Variants in WDR88 observed in about 807,000 individuals in gnomAD.
WDR88 encodes WD repeat domain 88.
Under a neutral mutation model 46.8 loss-of-function variants are expected in WDR88, and 40 were observed. The observed-to-expected ratio is 0.86, with a 90% CI of 0.66 to 1.11. WDR88 has a LOEUF of 1.11. Ranked by LOEUF, WDR88 falls within the 50% of genes most tolerant of loss-of-function variation. The pLI is 0.00. For missense variants in WDR88, 562 were observed against 602.4 expected (o/e 0.93, Z 0.70); for synonymous variants, 235 against 240.7 (o/e 0.98, Z 0.22).
chr19:33,134,642 T>TGGGG (rs1973213398), intron 1 of WDR88, among the ~76,000 whole-genome samples: 2 of 151,980 alleles, frequency 1.3e-5, no homozygotes, highest in Admixed American at 6.6e-5. Context: ...GGGCCGCTCC[T>TGGGG]GGGGTAGGGA....
chr19:33,149,081 C>T (rs1973578867), intron 5 of WDR88, among the ~76,000 whole-genome samples, 171 bp downstream of exon 5: 1 of 152,072 alleles, frequency 6.6e-6, no homozygotes, highest in Admixed American at 6.6e-5. Context: ...CATCTGTAAT[C>T]CCAGCACTTT....
At position 33,143,952 on chromosome 19, in the gene WDR88, A is replaced by G. The variant is rs75712941; in HGVS notation, c.388-892A>G. Among the ~76,000 whole-genome samples the G allele has an allele frequency of 8.5e-5, 13 of 152,240 alleles. No homozygotes were observed. In the East Asian group the frequency reaches 2.5e-3, roughly 29 times the overall value. ...GACCCCCTTTCCCTCGTTCATTTGA[A>G]GTCTAACCAGTATTTCCCCTTTAAA... is the stretch of plus-strand genomic sequence containing the variant. On this transcript the variant is annotated intron_variant, in intron 2 of 10. Transcript: ENST00000355868.
rs1298478368 is a variant in WDR88, at chr19:33,156,551, T to C, written c.997+9T>C. ...TCACTTTGCCAGAGACAGTGAGTAATTAACATGCAGAAGGCCTCCATTCCT... is the reference window on the plus strand; with the variant it reads ...TCACTTTGCCAGAGACAGTGAGTAACTAACATGCAGAAGGCCTCCATTCCT... On this transcript the variant is annotated intron_variant, in intron 7 of 10. Transcript: ENST00000355868. The C allele has an allele frequency of 1.9e-6, 3 of 1,609,346 alleles. No homozygotes were observed. Among genetic ancestry groups the C allele is most frequent in the African/African-American group, 1.3e-5 (1 of 74,706 alleles).
intron 1 of WDR88, among the ~76,000 whole-genome samples, chr19:33,136,384 T>A (rs1447668781): frequency 1.3e-5 from 2 of 150,436 alleles, no homozygotes; most frequent in Non-Finnish European, 2.9e-5. Context: ...AGAGATGGGG[T>A]TTTGCCATGT....
rs745987290 is a variant in WDR88 at position 33,141,227 on chromosome 19, G to GTTTTTTTTTTTTTTT, written c.387+3453_387+3454insTTTTTTTTTTTTTTT. ...GCTGGGATTACAGGTGTGGGAGCATGTTTTTTTTTTTTTCTTTTTTGACAC... is the reference window on the plus strand; with the variant it reads ...GCTGGGATTACAGGTGTGGGAGCATGTTTTTTTTTTTTTTTTTTTTTTTTTTTTCTTTTTTGACAC... On this transcript the variant is annotated intron_variant, in intron 2 of 10. Transcript: ENST00000355868. 2.6e-4 allele frequency among the ~76,000 whole-genome samples: 29 copies of GTTTTTTTTTTTTTTT among 113,394 alleles called. 8 individuals carry two copies. The highest frequency in any genetic ancestry group is 8.6e-4 in the African/African-American group (21 of 24,460). The allele number at this position is 113,394 out of a possible 152,430, so 74.4% of individuals were successfully genotyped here.
In WDR88 at chr19:33,142,878, A is replaced by AAAAAAG. The variant is rs1289318961; in HGVS notation, c.388-1964_388-1963insAAAGAA. 1.5e-3 allele frequency: 215 copies of AAAAAAG among 142,946 alleles called. 10 individuals carry two copies. The highest frequency in any genetic ancestry group is 5.5e-3 in the African/African-American group (203 of 36,856). 8.9% of individuals were successfully genotyped at this position (142,946 alleles called of 1,614,324 possible). A position where few individuals can be genotyped will look rare whatever the true frequency, so the allele number is the denominator to read the frequency against. On this transcript the variant is annotated intron_variant, in intron 2 of 10. Transcript: ENST00000355868. ...AAAAAAAAAAAAAAAAAAAAAAAAA[A>AAAAAAG]AAGGCCGGGGGGCGGGAATAACGTG...
chr19:33,132,203 C>T lies in WDR88; in HGVS notation c.34C>T (p.His12Tyr). 2.5e-6 allele frequency: 4 copies of T among 1,607,466 alleles called. No homozygotes were observed. The highest frequency in any genetic ancestry group is 3.4e-6 in the Non-Finnish European group (4 of 1,179,470). The change falls in exon 1 of 11, where the codon CAT becomes TAT. Residue 12 changes from histidine to tyrosine, a missense_variant. Physicochemically the swap from His to Tyr is moderately conservative, Grantham distance 83. Coordinates refer to ENST00000355868, the MANE Select transcript of WDR88 (RefSeq NM_173479.4). ...ASPPRCSPTA[H>Y]DRECKLPPPS... The stretch of plus-strand genomic sequence containing the variant: ...CCCGCCGCGGTGCTCCCCGACAGCC[C>T]ATGACAGGGAATGCAAGTTGCCGCC...
intron 6 of WDR88, among the ~76,000 whole-genome samples, chr19:33,155,285 C>G (rs748703379): frequency 1.1e-4 from 16 of 152,050 alleles, no homozygotes; most frequent in Non-Finnish European, 1.8e-4. Context: ...GGACTACAGG[C>G]ATGTGCCACC....
intron 9 of WDR88, among the ~76,000 whole-genome samples, chr19:33,166,282 C>CAAA (rs34053341): frequency 0.047 from 2,589 of 55,480 alleles, 71 homozygotes; most frequent in Admixed American, 0.13. Flanking sequence ...GTTGTGGTCT[C>CAAA]AAAAAAAAAA....
intron 9 of WDR88, 116 bp downstream of exon 9, chr19:33,164,381 C>T: frequency 2.2e-6 from 2 of 905,362 alleles, no homozygotes; most frequent in Admixed American, 1.9e-5. Context: ...CCTGACCGGG[C>T]CATCGTGTTC....
intron 7 of WDR88, among the ~76,000 whole-genome samples, chr19:33,157,626 T>G (rs1322232216): frequency 6.9e-6 from 1 of 144,098 alleles, no homozygotes; most frequent in African/African-American, 2.5e-5. Context: ...TATATATATA[T>G]GTATGTGTAT....
rs1173043284 is a variant in WDR88 at position 33,164,316 on chromosome 19, T to C, written c.1149+51T>C. The C allele has an allele frequency of 1.9e-6, 3 of 1,543,448 alleles. No individual in the cohort carries two copies. The African/African-American group carries it at 4.1e-5, about 21-fold the overall frequency. Reference sequence around the variant, plus strand: ...CGATCACGTTCGCCAGGATTGGTGATAGTGGAAGAGTTATTGCCAAGTATA... The same window carrying C: ...CGATCACGTTCGCCAGGATTGGTGACAGTGGAAGAGTTATTGCCAAGTATA... On this transcript the variant is annotated intron_variant, in intron 9 of 10. Coordinates refer to ENST00000355868, the MANE Select transcript of WDR88 (RefSeq NM_173479.4).
At chr19:33,159,382 A>ATAAATAAC (rs1555726419) in intron 7 of WDR88, among the ~76,000 whole-genome samples, 245 of 144,144 alleles carry the variant, frequency 1.7e-3, no homozygotes, top group African/African-American at 4.1e-3. Flanking sequence ...AAATAAATAA[A>ATAAATAAC]TAACAAATAA....
intron 6 of WDR88, among the ~76,000 whole-genome samples, chr19:33,155,837 G>C (rs1051016618): frequency 6.6e-6 from 1 of 152,186 alleles, no homozygotes; most frequent in Non-Finnish European, 1.5e-5. Flanking sequence ...GGGGGTTCCT[G>C]GCATCTAGCC....
rs570910159 is a variant in WDR88, at chr19:33,144,741, T to A, written c.388-103T>A. The A allele has an allele frequency of 1.2e-5, 13 of 1,057,484 alleles. No homozygotes were observed. In the African/African-American group the frequency reaches 1.6e-4, roughly 13 times the overall value. The allele number at this position is 1,057,484 out of a possible 1,614,324, so 65.5% of individuals were successfully genotyped here. On this transcript the variant is annotated intron_variant, in intron 2 of 10. Coordinates refer to ENST00000355868, the MANE Select transcript of WDR88 (RefSeq NM_173479.4). The stretch of plus-strand genomic sequence containing the variant: ...CCCAGGACCTTGGAGTTCTCAGATT[T>A]TGCTACCAGAGATAAGCTAAGGGCT...
At position 33,157,712 on chromosome 19, in the gene WDR88, T is replaced by A. The variant is rs1568367750; in HGVS notation, c.997+1170T>A. On this transcript the variant is annotated intron_variant, in intron 7 of 10. Transcript: ENST00000355868. ...GTATATATATATATATATATATATA[T>A]ATATATATATATATATATATATATA... 8.5e-5 allele frequency among the ~76,000 whole-genome samples: 7 copies of A among 81,972 alleles called. No individual in the cohort carries two copies. The East Asian group carries it at 3.3e-3, about 38-fold the overall frequency. The allele number at this position is 81,972 out of a possible 152,430, so 53.8% of individuals were successfully genotyped here.
chr19:33,157,718 T>C (rs1973786105), intron 7 of WDR88, among the ~76,000 whole-genome samples: 1 of 46,566 alleles, frequency 2.1e-5, no homozygotes, highest in Non-Finnish European at 3.8e-5. Context: ...TATATATATA[T>C]ATATATATAT....
rs565898958 is a variant in WDR88 at position 33,145,110 on chromosome 19, A to G, written c.476+178A>G. 5.9e-5 allele frequency among the ~76,000 whole-genome samples: 9 copies of G among 152,296 alleles called. No homozygotes were observed. In the South Asian group the frequency reaches 1.9e-3, roughly 32 times the overall value. On this transcript the variant is annotated intron_variant, in intron 3 of 10. Transcript: ENST00000355868. ...GATTCTCCTCCTGCATTGGCCTCCC[A>G]AAGTGTTGACATTACAGGCATGAGC...
intron 9 of WDR88, among the ~76,000 whole-genome samples, chr19:33,170,719 G>T (rs73571959): frequency 0.21 from 31,555 of 151,912 alleles, 4,748 homozygotes; most frequent in African/African-American, 0.4. Context: ...AATATTAGTG[G>T]GGTATGGTGG....
Sources: allele counts gnomAD v4.1 joint callset (sites outside exome capture counted in the v4.1 genomes callset), GRCh38; gene constraint gnomAD v4.1.1; transcripts MANE v1.5; gene names NCBI Gene and HGNC (gene_info 2026-07-23, HGNC 2026-07-21).